DNAAF4: variants seen among roughly 807,000 people sequenced by gnomAD.
DNAAF4 encodes dynein assembly factor 4, axonemal.
In DNAAF4, 43 loss-of-function variants were observed where a neutral mutation model predicts 51.8. The ratio of observed to expected loss-of-function variants is 0.83; its 90% CI spans 0.65 to 1.07. DNAAF4 has a LOEUF of 1.07. DNAAF4 is among the 50% of genes least tolerant of loss of function. DNAAF4 has a pLI of 0.00. For missense variants in DNAAF4, 581 were observed against 493.0 expected (o/e 1.18, Z -1.69); for synonymous variants, 194 against 165.6 (o/e 1.17, Z -1.32).
At chr15:55,467,482 G>A (rs542290928) in intron 4 of DNAAF4, among the ~76,000 whole-genome samples, 26 of 152,090 alleles carry the variant, frequency 1.7e-4, no homozygotes, top group Non-Finnish European at 5.9e-5. Context: ...ATACCTAAGG[G>A]CTTGGTAGAA....
chr15:55,476,434 T>C (rs1487611328), intron 4 of DNAAF4, among the ~76,000 whole-genome samples: 8 of 152,036 alleles, frequency 5.3e-5, no homozygotes, highest in African/African-American at 7.2e-5. Context: ...ACCTGTACAA[T>C]AGAGTGAGAC....
chr15:55,433,924 T>TATATATAATATATATATAATATATATA (rs2057553083), intron 8 of DNAAF4, among the ~76,000 whole-genome samples: 2 of 35,436 alleles, frequency 5.6e-5, no homozygotes, highest in African/African-American at 1.9e-4. Flanking sequence ...TTATATATAT[T>TATATATAATATATATATAATATATATA]ATATTATATA....
chr15:55,505,938 A>T (rs1162818735), intron 1 of DNAAF4, among the ~76,000 whole-genome samples: 1 of 152,190 alleles, frequency 6.6e-6, no homozygotes, highest in African/African-American at 2.4e-5. Flanking sequence ...TAGCTGTTGT[A>T]CATTTTATCC....
chr15:55,461,193 C>T (rs550085780), intron 5 of DNAAF4, among the ~76,000 whole-genome samples: 3 of 152,172 alleles, frequency 2.0e-5, no homozygotes, highest in East Asian at 1.9e-4. Flanking sequence ...CTCAGCCTCC[C>T]GAGTAGCTGG....
chr15:55,469,066 C>G (rs1209701586), intron 4 of DNAAF4, among the ~76,000 whole-genome samples: 1 of 152,054 alleles, frequency 6.6e-6, no homozygotes, highest in Admixed American at 6.6e-5. Flanking sequence ...CGCGGTGGCT[C>G]ACGCCTGAAA....
In DNAAF4 at chr15:55,447,107, C is replaced by T. The variant is rs112945379; in HGVS notation, c.783+3115G>A. 9.6e-5 allele frequency among the ~76,000 whole-genome samples: 14 copies of T among 145,732 alleles called. No homozygotes were observed. The South Asian group carries it at 1.1e-3, about 11-fold the overall frequency. On this transcript the variant is annotated intron_variant, in intron 6 of 9. Transcript: ENST00000321149. ...GGTGCTCCTCACTTCCCAGATGGGG[C>T]GGCTGCGCAGAGGCACTCCTCACTT...
intron 6 of DNAAF4, among the ~76,000 whole-genome samples, chr15:55,444,938 G>T (rs1398580676): frequency 2.0e-5 from 3 of 150,852 alleles, no homozygotes; most frequent in African/African-American, 7.3e-5. Context: ...AGCTTAAGGA[G>T]ATTTTGGGCT....
At chr15:55,448,908 T>A (rs1194428884) in intron 6 of DNAAF4, among the ~76,000 whole-genome samples, 3 of 151,324 alleles carry the variant, frequency 2.0e-5, no homozygotes, top group Non-Finnish European at 4.4e-5. Context: ...TATAACTGTA[T>A]AATTATAGAA....
chr15:55,451,445 AG>A (rs1196473301), intron 5 of DNAAF4, among the ~76,000 whole-genome samples: 1 of 152,204 alleles, frequency 6.6e-6, no homozygotes, highest in African/African-American at 2.4e-5. Flanking sequence ...TAGGTATGTA[AG>A]AACTCAGCCA....
intron 4 of DNAAF4, among the ~76,000 whole-genome samples, chr15:55,476,512 A>C (rs1038892718): frequency 1.3e-5 from 2 of 152,246 alleles, no homozygotes; most frequent in African/African-American, 4.8e-5. Flanking sequence ...CCTACAAGAA[A>C]GAATGAAGAG....
At position 55,459,014 on chromosome 15, in the gene DNAAF4, T is replaced by C. The variant is rs144423625; in HGVS notation, c.637+7916A>G. On this transcript the variant is annotated intron_variant, in intron 5 of 9. Coordinates refer to ENST00000321149, the MANE Select transcript of DNAAF4 (RefSeq NM_130810.4). ...TTGCTTGAACCCGGGAGTTGGAGGT[T>C]GCAGTGAGCCGAGATCACGCTACTG... 7.7e-3 allele frequency among the ~76,000 whole-genome samples: 1,148 copies of C among 148,160 alleles called. 10 individuals carry two copies. Among genetic ancestry groups the C allele is most frequent in the Middle Eastern group, 0.021 (6 of 282 alleles).
intron 6 of DNAAF4, among the ~76,000 whole-genome samples, chr15:55,445,208 C>G (rs1383151379): frequency 1.3e-5 from 2 of 151,842 alleles, no homozygotes; most frequent in African/African-American, 4.8e-5. Flanking sequence ...GTGTTTGTGT[C>G]CCTGGGTACT....
At chr15:55,469,980 AC>A (rs1189174431) in intron 4 of DNAAF4, among the ~76,000 whole-genome samples, 1 of 151,080 alleles carries the variant, frequency 6.6e-6, no homozygotes, top group African/African-American at 2.4e-5. Context: ...GGTTTCTACA[AC>A]CCCCTCCTCA....
At chr15:55,418,648 TAAA>T (rs1430995468) in intron 7 of DNAAF4, 3 of 977,382 alleles carry the variant, frequency 3.1e-6, no homozygotes, top group African/African-American at 1.6e-5. Context: ...GAATACCTAA[TAAA>T]GAAGATAAAA....
chr15:55,432,910 A>T (rs1409500618), intron 8 of DNAAF4, among the ~76,000 whole-genome samples: 1 of 152,100 alleles, frequency 6.6e-6, no homozygotes, highest in South Asian at 2.1e-4. Context: ...AGATCGCGCC[A>T]CTGAACTCCA....
At chr15:55,496,657 AT>A (rs1285205053) in intron 3 of DNAAF4, among the ~76,000 whole-genome samples, 3 of 152,198 alleles carry the variant, frequency 2.0e-5, no homozygotes, top group Non-Finnish European at 4.4e-5. Flanking sequence ...CTTCTGCTTA[AT>A]GTGCTCTAAC....
intron 4 of DNAAF4, among the ~76,000 whole-genome samples, chr15:55,480,706 TCCAA>T (rs144037826): frequency 0.05 from 7,558 of 152,254 alleles, 256 homozygotes; most frequent in East Asian, 0.14. Context: ...ATAGTGGGCT[TCCAA>T]CTTCTCTATC....
intron 5 of DNAAF4, among the ~76,000 whole-genome samples, chr15:55,457,624 C>T (rs1332677326): frequency 1.3e-5 from 2 of 152,116 alleles, no homozygotes; most frequent in African/African-American, 4.8e-5. Context: ...CATAGCAACT[C>T]ATAACAGAAC....
intron 4 of DNAAF4, among the ~76,000 whole-genome samples, chr15:55,473,958 C>T (rs755784263): frequency 1.3e-5 from 2 of 152,130 alleles, no homozygotes; most frequent in Non-Finnish European, 2.9e-5. Context: ...CGCCACTACA[C>T]TCCAGCCTGG....
Sources: gnomAD v4.1 joint callset for allele counts (sites outside exome capture counted in the v4.1 genomes callset) on GRCh38, gnomAD v4.1.1 for gene constraint, MANE v1.5 for transcripts, NCBI Gene and HGNC (gene_info 2026-07-23, HGNC 2026-07-21) for gene names.